The following NEU1 variants were observed in gnomAD, a reference collection of about 807,000 sequenced individuals.
NEU1 encodes sialidase-1.
Under a neutral mutation model 38.3 loss-of-function variants are expected in NEU1, and 32 were observed. The observed-to-expected ratio is 0.84, with a 90% CI of 0.63 to 1.12. NEU1 has a LOEUF of 1.12. Ranked by LOEUF, NEU1 falls within the 50% of genes most tolerant of loss-of-function variation. The pLI, the probability that NEU1 is intolerant of heterozygous loss-of-function variation, is 0.00. For synonymous variants in NEU1, 192 were observed against 225.2 expected (o/e 0.85, Z 1.32); for missense variants, 431 against 549.2 (o/e 0.78, Z 2.15).
Position 31,861,225 on chromosome 6 carries a change from G to T in NEU1, c.578C>A (p.Thr193Asn), listed in dbSNP as rs757068203. ...GCCCGGTCCAGGGGCAAACACTTCA[G>T]TGCCAATATCCAGGGAGAGATTCCG... ...TPRNLSLDIGTEVFAPGPGSG... is the reference protein window; with the variant it reads ...TPRNLSLDIGNEVFAPGPGSG... The change falls in exon 3 of 6, where the codon ACT (threonine) becomes AAT (asparagine). Residue 193 changes from threonine to asparagine, a missense_variant. Physicochemically the swap from Thr to Asn is moderately conservative, Grantham distance 65. Transcript: ENST00000375631. 7.8e-5 allele frequency: 126 copies of T among 1,612,422 alleles called. No individual in the cohort carries two copies. Among genetic ancestry groups the T allele is most frequent in the Non-Finnish European group, 9.7e-5 (115 of 1,180,038 alleles).
rs864309513 is a variant in NEU1, at chr6:31,861,452, T to G, written c.353-2A>C. 6.2e-7 allele frequency: 1 copy of G among 1,612,812 alleles called. No individual in the cohort carries two copies. The highest frequency in any genetic ancestry group is 2.2e-5 in the East Asian group (1 of 44,872). ...ACGCTGTAGGAGACCATGTGCTGCC[T>G]GAAAAAAATTGGAGGAAGAAACCCA... is the stretch of plus-strand genomic sequence containing the variant. On this transcript the variant is annotated splice_acceptor_variant, in intron 2 of 5. Coordinates refer to ENST00000375631, the MANE Select transcript of NEU1 (RefSeq NM_000434.4). LOFTEE classifies it high-confidence loss of function.
At position 31,860,208 on chromosome 6, in the gene NEU1, G is replaced by A; in HGVS notation, c.855C>T (p.Tyr285=). ...VVINARNQNN[Y]HCHCRIVLRS... ...GGAGGACAATTCGGCAGTGGCAGTG[G>A]TAGTTGTTCTGGTTTCGGGCATTGA... Residue 285 remains tyrosine, a synonymous_variant, in exon 5 of 6, where the codon TAC becomes TAT. Transcript: ENST00000375631. The surrounding 1 kb of genome is among the most constrained non-coding windows in gnomAD (Gnocchi z 4.8). The A allele has an allele frequency of 6.2e-7, 1 of 1,613,040 alleles. No homozygotes were observed. Among genetic ancestry groups the A allele is most frequent in the Admixed American group, 1.7e-5 (1 of 60,020 alleles).
chr6:31,861,017 C>T, intron 3 of NEU1, 171 bp downstream of exon 3: 1 of 885,716 alleles, frequency 1.1e-6, no homozygotes, highest in South Asian at 1.7e-5. Flanking sequence ...GCAGAGTTCC[C>T]TCTTCTCCTG....
In NEU1 at chr6:31,859,635, G is replaced by T; in HGVS notation, c.*84C>A. On this transcript the variant is annotated 3_prime_UTR_variant, in exon 6 of 6. Transcript: ENST00000375631. ...TAAAGGAAGATGGAACTGTCTTTCA[G>T]GCGTCTCCAGCAGACCCTCTACAGA... The T allele has an allele frequency of 7.4e-7, 1 of 1,343,822 alleles. No homozygotes were observed. Among genetic ancestry groups the T allele is most frequent in the Non-Finnish European group, 1.1e-6 (1 of 946,566 alleles). 83.2% of individuals were successfully genotyped at this position (1,343,822 alleles called of 1,614,324 possible).
chr6:31,861,396 C>A lies in NEU1; in HGVS notation c.407G>T (p.Gly136Val). 4.3e-6 allele frequency: 7 copies of A among 1,612,950 alleles called. No individual in the cohort carries two copies. The highest frequency in any genetic ancestry group is 5.1e-6 in the Non-Finnish European group (6 of 1,180,040). Residue 136 changes from glycine to valine, a missense_variant, in exon 3 of 6, where the codon GGG becomes GTG. Gly to Val is a moderately radical substitution (Grantham distance 109, BLOSUM62 -3). Coordinates refer to ENST00000375631, the MANE Select transcript of NEU1 (RefSeq NM_000434.4). Reference protein sequence around the residue: ...FIVNDGDVPDGLNLGAVVSDV... With the variant: ...FIVNDGDVPDVLNLGAVVSDV... Reference sequence around the variant, plus strand: ...GCTCACTACTGCCCCAAGGTTCAGCCCATCGGGGACATCCCCATCATTGAC... The same window carrying A: ...GCTCACTACTGCCCCAAGGTTCAGCACATCGGGGACATCCCCATCATTGAC...
chr6:31,862,583 G>A lies in NEU1; in HGVS notation c.159+35C>T. ...GACACTAGGTGTCGATCACCTGCGC[G>A]GGTCGGGGATGGGGCTATGCAAAGG... is the stretch of plus-strand genomic sequence containing the variant. On this transcript the variant is annotated intron_variant, in intron 1 of 5. Coordinates refer to ENST00000375631, the MANE Select transcript of NEU1 (RefSeq NM_000434.4). This position sits in a 1 kb window ranked among gnomAD's most constrained non-coding sequence, Gnocchi z 6.3. 6.2e-7 allele frequency: 1 copy of A among 1,612,912 alleles called. No homozygotes were observed. The highest frequency in any genetic ancestry group is 8.5e-7 in the Non-Finnish European group (1 of 1,179,904).
In NEU1 at chr6:31,860,186, G is replaced by A; in HGVS notation, c.877C>T (p.Leu293Phe). The change falls in exon 5 of 6, where the codon CTC becomes TTC. Residue 293 changes from leucine (L) to phenylalanine (F), a missense_variant. Transcript: ENST00000375631. The surrounding 1 kb of genome is among the most constrained non-coding windows in gnomAD (Gnocchi z 4.8). ...GTATCACAGGCATCATAGCTGCGGAGGACAATTCGGCAGTGGCAGTGGTAG... is the reference window on the plus strand; with the variant it reads ...GTATCACAGGCATCATAGCTGCGGAAGACAATTCGGCAGTGGCAGTGGTAG... The part of the protein sequence containing the change: ...NNYHCHCRIV[L>F]RSYDACDTLR... 7 of 1,613,046 alleles carry A rather than the reference G, an allele frequency of 4.3e-6. No individual in the cohort carries two copies. Among genetic ancestry groups the A allele is most frequent in the Non-Finnish European group, 5.9e-6 (7 of 1,180,024 alleles).
rs1432126700 is a variant in NEU1 at position 31,859,765 on chromosome 6, G to A, written c.1202C>T (p.Thr401Ile). ...VLYEKGRNHY[T>I]ESISVAKISV... ...GATTTTGGCCACGGAGATGCTCTCT[G>A]TGTAGTGGTTCCGGCCTTTCTCATA... The change falls in exon 6 of 6, where the codon ACA becomes ATA. Residue 401 changes from threonine to isoleucine, a missense_variant. Transcript: ENST00000375631. 6.2e-7 allele frequency: 1 copy of A among 1,612,954 alleles called. No individual in the cohort carries two copies. The highest frequency in any genetic ancestry group is 1.3e-5 in the African/African-American group (1 of 74,934).
At position 31,859,712 on chromosome 6, in the gene NEU1, G is replaced by A; in HGVS notation, c.*7C>T. ...AAGGCAGAATACCCCTGTGGCAGTG[G>A]CACAGCTCAGAGTGTCCCATAGACA... is the stretch of plus-strand genomic sequence containing the variant. On this transcript the variant is annotated 3_prime_UTR_variant, in exon 6 of 6. Coordinates refer to ENST00000375631, the MANE Select transcript of NEU1 (RefSeq NM_000434.4). 1.2e-6 allele frequency: 2 copies of A among 1,612,268 alleles called. No homozygotes were observed. Among genetic ancestry groups the A allele is most frequent in the Non-Finnish European group, 1.7e-6 (2 of 1,179,696 alleles).
chr6:31,860,505 A>G lies in NEU1; in HGVS notation c.732T>C (p.Ser244=). ...DDHGASWRYG[S]GVSGIPYGQP... is the part of the protein sequence containing the mutation. The stretch of plus-strand genomic sequence containing the variant: ...GACCGTAGGGGATGCCGCTGACCCC[A>G]CTTCCGTAGCGCCAGGAGGCACCAT... Residue 244 remains serine, a synonymous_variant, in exon 4 of 6, where the codon AGT becomes AGC. Coordinates refer to ENST00000375631, the MANE Select transcript of NEU1 (RefSeq NM_000434.4). The surrounding 1 kb of genome is among the most constrained non-coding windows in gnomAD (Gnocchi z 4.8). The G allele has an allele frequency of 1.2e-6, 2 of 1,613,974 alleles. No homozygotes were observed. Among genetic ancestry groups the G allele is most frequent in the South Asian group, 1.1e-5 (1 of 91,082 alleles).
In NEU1 at chr6:31,860,344, G is replaced by C; in HGVS notation, c.799-80C>G. ...GAGGGGAGCAAGGGTGTGTGGCACT[G>C]AGTGGAGCAGTCAGACCCTGGGTCT... On this transcript the variant is annotated intron_variant, in intron 4 of 5. Transcript: ENST00000375631. This position sits in a 1 kb window ranked among gnomAD's most constrained non-coding sequence, Gnocchi z 4.8. The C allele has an allele frequency of 6.2e-7, 1 of 1,602,342 alleles. No homozygotes were observed. The highest frequency in any genetic ancestry group is 1.1e-5 in the South Asian group (1 of 90,836).
At position 31,862,234 on chromosome 6, in the gene NEU1, T is replaced by G; in HGVS notation, c.160-43A>C. ...AGGGTCAACAAAGACAAACTTGTCT[T>G]GGGGGTTTTAGGAACCCACGTTCCG... On this transcript the variant is annotated intron_variant, in intron 1 of 5. Transcript: ENST00000375631. This position sits in a 1 kb window ranked among gnomAD's most constrained non-coding sequence, Gnocchi z 6.3. 1 of 1,608,350 alleles carries G rather than the reference T, an allele frequency of 6.2e-7. No homozygotes were observed. The highest frequency in any genetic ancestry group is 8.5e-7 in the Non-Finnish European group (1 of 1,178,022).
rs902379751 is a variant in NEU1 at position 31,858,841 on chromosome 6, C to T, written c.*878G>A. The T allele has an allele frequency of 6.6e-6, 1 of 151,598 alleles. No homozygotes were observed. Among genetic ancestry groups the T allele is most frequent in the Non-Finnish European group, 1.5e-5 (1 of 67,966 alleles). The allele number at this position is 151,598 out of a possible 1,614,324, so 9.4% of individuals were successfully genotyped here. ...ACCAGCCTGGGCAACATAGCGCAAC[C>T]TTGTCTCTACTGAAAATAAAAATTA... On this transcript the variant is annotated 3_prime_UTR_variant, in exon 6 of 6. Coordinates refer to ENST00000375631, the MANE Select transcript of NEU1 (RefSeq NM_000434.4).
At position 31,858,340 on chromosome 6, in the gene NEU1, T is replaced by C. The variant is rs1226745544; in HGVS notation, c.*1379A>G. ...TAAAAAAATCAGCCCGCCGGCACCA[T>C]GGCTCATGCTTGTAATCACAACACT... is the stretch of plus-strand genomic sequence containing the variant. On this transcript the variant is annotated 3_prime_UTR_variant, in exon 6 of 6. Coordinates refer to ENST00000375631, the MANE Select transcript of NEU1 (RefSeq NM_000434.4). 6.6e-6 allele frequency: 1 copy of C among 151,982 alleles called. No individual in the cohort carries two copies. Among genetic ancestry groups the C allele is most frequent in the East Asian group, 1.9e-4 (1 of 5,146 alleles). 9.4% of individuals were successfully genotyped at this position (151,982 alleles called of 1,614,324 possible).
In NEU1 at chr6:31,860,318, C is replaced by T. The variant is rs1056733526; in HGVS notation, c.799-54G>A. The stretch of plus-strand genomic sequence containing the variant: ...GGGAACAGGGAAAATGCCCTGTCCC[C>T]GAGGGGAGCAAGGGTGTGTGGCACT... On this transcript the variant is annotated intron_variant, in intron 4 of 5. Coordinates refer to ENST00000375631, the MANE Select transcript of NEU1 (RefSeq NM_000434.4). This position sits in a 1 kb window ranked among gnomAD's most constrained non-coding sequence, Gnocchi z 4.8. 27 of 1,606,612 alleles carry T rather than the reference C, an allele frequency of 1.7e-5. No homozygotes were observed. The highest frequency in any genetic ancestry group is 3.3e-4 in the Middle Eastern group (2 of 6,062).
Position 31,860,661 on chromosome 6 carries a change from A to C in NEU1, c.616-40T>G. ...ACTGGGTGTCACAGAAGGAGACTCTAGGGGCTCAGAGGCAGGGACAGAGAA... is the reference window on the plus strand; with the variant it reads ...ACTGGGTGTCACAGAAGGAGACTCTCGGGGCTCAGAGGCAGGGACAGAGAA... On this transcript the variant is annotated intron_variant, in intron 3 of 5. Coordinates refer to ENST00000375631, the MANE Select transcript of NEU1 (RefSeq NM_000434.4). This position sits in a 1 kb window ranked among gnomAD's most constrained non-coding sequence, Gnocchi z 4.8. 4 of 1,609,224 alleles carry C rather than the reference A, an allele frequency of 2.5e-6. No homozygotes were observed. The highest frequency in any genetic ancestry group is 3.4e-6 in the Non-Finnish European group (4 of 1,177,612).
rs922349978 is a variant in NEU1 at position 31,859,346 on chromosome 6, G to C, written c.*373C>G. 2.5e-6 allele frequency: 1 copy of C among 404,058 alleles called. No homozygotes were observed. The highest frequency in any genetic ancestry group is 4.6e-6 in the Non-Finnish European group (1 of 215,090). 25.0% of individuals were successfully genotyped at this position (404,058 alleles called of 1,614,324 possible). On this transcript the variant is annotated 3_prime_UTR_variant, in exon 6 of 6. Transcript: ENST00000375631. The stretch of plus-strand genomic sequence containing the variant: ...CACCAGCCCTGTCGGTTATCTTACC[G>C]CAACACCAAAGAGGAGGCTCAGCCT...
Position 31,860,004 on chromosome 6 carries a change from A to G in NEU1, c.1021+38T>C, listed in dbSNP as rs780633769. 5 of 1,612,374 alleles carry G rather than the reference A, an allele frequency of 3.1e-6. No individual in the cohort carries two copies. The African/African-American group carries it at 5.3e-5, about 17-fold the overall frequency. On this transcript the variant is annotated intron_variant, in intron 5 of 5. Coordinates refer to ENST00000375631, the MANE Select transcript of NEU1 (RefSeq NM_000434.4). This position sits in a 1 kb window ranked among gnomAD's most constrained non-coding sequence, Gnocchi z 4.8. The stretch of plus-strand genomic sequence containing the variant: ...CTCTGCCCAGGCCTTGTCTAGACAC[A>G]GGGCTCTCCCTGCTGACCCCACCCA...
At chr6:31,861,095 A>C in intron 3 of NEU1, 93 bp downstream of exon 3, 1 of 1,579,110 alleles carries the variant, frequency 6.3e-7, no homozygotes, top group Non-Finnish European at 8.7e-7. Flanking sequence ...ATCTGACTTC[A>C]GAGAATCTTC....
Sources: gnomAD v4.1 joint callset for allele counts on GRCh38, gnomAD v4.1.1 for gene constraint, Gnocchi (gnomAD v3.1) non-coding constraint, MANE v1.5 for transcripts, NCBI Gene and HGNC (gene_info 2026-07-23, HGNC 2026-07-21) for gene names.